Variants in STXBP6 observed in about 807,000 individuals in gnomAD.
The protein encoded by STXBP6 is syntaxin-binding protein 6.
In STXBP6, 21 loss-of-function variants were observed where a neutral mutation model predicts 26.9. The observed-to-expected ratio is 0.78, with a 90% confidence interval of 0.55 to 1.12. STXBP6 has a LOEUF of 1.12. STXBP6 is among the 50% of genes most tolerant of loss of function. The probability of loss-of-function intolerance (pLI) is 0.00; values close to 1 mark genes in which losing one functional copy is unlikely to be tolerated. For synonymous variants in STXBP6, 97 were observed against 92.6 expected (o/e 1.05, Z -0.27); for missense variants, 232 against 257.9 (o/e 0.90, Z 0.69).
intron 4 of STXBP6, among the ~76,000 whole-genome samples, chr14:24,833,449 A>G (rs2068517972): frequency 6.6e-6 from 1 of 152,224 alleles, no homozygotes; most frequent in African/African-American, 2.4e-5. Context: ...TACAAGAATA[A>G]TCCCTTCATT....
intron 1 of STXBP6, among the ~76,000 whole-genome samples, chr14:25,046,836 T>G (rs2075735531): frequency 6.6e-6 from 1 of 152,164 alleles, no homozygotes; most frequent in African/African-American, 2.4e-5. Flanking sequence ...CAAGCTAGGT[T>G]ACACAGGACA....
At chr14:24,881,836 G>A (rs2070367100) in intron 2 of STXBP6, among the ~76,000 whole-genome samples, 1 of 152,232 alleles carries the variant, frequency 6.6e-6, no homozygotes, top group Admixed American at 6.5e-5. Flanking sequence ...ACAGGGGCTA[G>A]TGGTTGGCTG....
Position 24,998,847 on chromosome 14 carries a change from G to A in STXBP6, c.-32-23997C>T, listed in dbSNP as rs113565369. On this transcript the variant is annotated intron_variant, in intron 1 of 5. Coordinates refer to ENST00000323944, the MANE Select transcript of STXBP6 (RefSeq NM_001394410.1). ...ATTCTCCTTAAAAAATCAATAGTCT[G>A]TCTTCAATATTCAAGGGATAAAAAG... Among the ~76,000 whole-genome samples, 105 of 152,226 alleles carry A rather than the reference G, an allele frequency of 6.9e-4. 1 individual carries two copies. The highest frequency in any genetic ancestry group is 3.4e-3 in the Middle Eastern group (1 of 294).
intron 2 of STXBP6, among the ~76,000 whole-genome samples, chr14:24,900,244 C>T (rs2071165045): frequency 6.6e-6 from 1 of 152,162 alleles, no homozygotes; most frequent in Non-Finnish European, 1.5e-5. Context: ...CAGATGTAAG[C>T]TCTTTCCTCT....
chr14:24,972,385 A>G (rs1468227732), intron 2 of STXBP6, among the ~76,000 whole-genome samples: 1 of 152,222 alleles, frequency 6.6e-6, no homozygotes, highest in Non-Finnish European at 1.5e-5. Flanking sequence ...TAGAGTCCCT[A>G]TATCACTCTT....
Position 24,857,234 on chromosome 14 carries a change from G to A in STXBP6, c.155-77C>T. The A allele has an allele frequency of 1.9e-6, 3 of 1,584,934 alleles. No homozygotes were observed. The Admixed American group carries it at 5.1e-5, about 27-fold the overall frequency. On this transcript the variant is annotated intron_variant, in intron 2 of 5. Coordinates refer to ENST00000323944, the MANE Select transcript of STXBP6 (RefSeq NM_001394410.1). ...TTCCACATTCAGTGCTGTTTCTACA[G>A]GACACCTACTGTGTATATGCACAAT...
At chr14:24,973,379 C>CTTTT (rs1057437135) in intron 2 of STXBP6, among the ~76,000 whole-genome samples, 100 of 76,796 alleles carry the variant, frequency 1.3e-3, no homozygotes, top group East Asian at 3.5e-3. Context: ...AGCTTTCTTC[C>CTTTT]TTTTTTTTTT....
At chr14:24,956,271 G>C (rs2073342161) in intron 2 of STXBP6, among the ~76,000 whole-genome samples, 1 of 152,086 alleles carries the variant, frequency 6.6e-6, no homozygotes, top group Admixed American at 6.5e-5. Flanking sequence ...AAGTTACAGA[G>C]ACTGGCCACA....
rs567009750 is a variant in STXBP6 at position 24,880,458 on chromosome 14, T to C, written c.155-23301A>G. Among the ~76,000 whole-genome samples, 4 of 152,186 alleles carry C rather than the reference T, an allele frequency of 2.6e-5. No homozygotes were observed. The South Asian group carries it at 6.2e-4, about 24-fold the overall frequency. On this transcript the variant is annotated intron_variant, in intron 2 of 5. Coordinates refer to ENST00000323944, the MANE Select transcript of STXBP6 (RefSeq NM_001394410.1). ...CTTGTCTCATCAGCCTCAACGTGCA[T>C]AGAGAGGAAGATCCTCTGAAGGATG...
At chr14:24,823,226 C>A (rs973395374) in intron 4 of STXBP6, among the ~76,000 whole-genome samples, 44 of 152,036 alleles carry the variant, frequency 2.9e-4, no homozygotes, top group Non-Finnish European at 1.0e-4. Context: ...TAGAAGACTT[C>A]ATTGAGAGAG....
intron 4 of STXBP6, among the ~76,000 whole-genome samples, chr14:24,850,599 A>G (rs1222998728): frequency 6.6e-6 from 1 of 152,132 alleles, no homozygotes; most frequent in Non-Finnish European, 1.5e-5. Context: ...CTGTCTGGCA[A>G]CTGCTAACCA....
At chr14:24,974,913 A>T in intron 1 of STXBP6, 63 bp from the exon 2 acceptor site, 1 of 1,066,466 alleles carries the variant, frequency 9.4e-7, no homozygotes, top group East Asian at 2.8e-5. Flanking sequence ...TCATACAATA[A>T]TCAGCAGCAA....
chr14:24,927,005 G>T (rs2072199455), intron 2 of STXBP6, among the ~76,000 whole-genome samples: 1 of 152,168 alleles, frequency 6.6e-6, no homozygotes, highest in African/African-American at 2.4e-5. Context: ...ACAATGGGGT[G>T]AAATTAAAAC....
chr14:25,038,635 G>A (rs2075592000), intron 1 of STXBP6, among the ~76,000 whole-genome samples: 1 of 152,110 alleles, frequency 6.6e-6, no homozygotes, highest in South Asian at 2.1e-4. Context: ...TACAAAGAAG[G>A]GAACAATAGA....
intron 2 of STXBP6, among the ~76,000 whole-genome samples, chr14:24,904,438 A>G (rs1481327074): frequency 2.0e-5 from 3 of 152,210 alleles, no homozygotes; most frequent in Non-Finnish European, 4.4e-5. Context: ...ATTACTTTTA[A>G]TGGCGAACCC....
At chr14:25,023,397 T>C (rs1476398171) in intron 1 of STXBP6, among the ~76,000 whole-genome samples, 1 of 152,240 alleles carries the variant, frequency 6.6e-6, no homozygotes, top group African/African-American at 2.4e-5. Flanking sequence ...GATATCTTGA[T>C]TCATCTAAAT....
intron 2 of STXBP6, among the ~76,000 whole-genome samples, chr14:24,965,844 A>G (rs1210564215): frequency 6.6e-6 from 1 of 152,166 alleles, no homozygotes; most frequent in Non-Finnish European, 1.5e-5. Flanking sequence ...AGAAAGGTGC[A>G]CTAATTTCTC....
intron 2 of STXBP6, among the ~76,000 whole-genome samples, chr14:24,943,193 A>G (rs1274012153): frequency 6.6e-6 from 1 of 152,210 alleles, no homozygotes; most frequent in African/African-American, 2.4e-5. Context: ...ACAGTGGCCA[A>G]TGAAACGCAC....
At chr14:24,974,104 GA>G (rs534509876) in intron 2 of STXBP6, among the ~76,000 whole-genome samples, 52 of 136,942 alleles carry the variant, frequency 3.8e-4, no homozygotes, top group Middle Eastern at 3.7e-3. Context: ...GAAAGAGAAA[GA>G]AAAAAAAAAA....
Sources: gnomAD v4.1 joint callset for allele counts (sites outside exome capture counted in the v4.1 genomes callset) on GRCh38, gnomAD v4.1.1 for gene constraint, MANE v1.5 for transcripts, NCBI Gene and HGNC (gene_info 2026-07-23, HGNC 2026-07-21) for gene names.